The following LIG1 variants were observed in gnomAD, a reference collection of about 807,000 sequenced individuals.
The protein encoded by LIG1 is DNA ligase 1.
A neutral mutation model predicts 115.7 loss-of-function variants in LIG1; 70 were observed. The ratio of observed to expected loss-of-function variants is 0.60; its 90% confidence interval spans 0.50 to 0.74. The LOEUF (loss-of-function observed/expected upper bound fraction) is 0.74. LIG1 is among the 30% of genes least tolerant of loss of function. The pLI, the probability that LIG1 is intolerant of heterozygous loss-of-function variation, is 0.00. For missense variants in LIG1, 1,115 were observed against 1,225.6 expected, an observed-to-expected ratio of 0.91 and a Z score of 1.35; for synonymous variants, 487 against 495.3, an observed-to-expected ratio of 0.98 and a Z score of 0.22.
At chr19:48,143,788 GACTTGACCATT>G (rs1469124786) in intron 10 of LIG1, 84 bp downstream of exon 10, 7 of 1,190,474 alleles carry the variant, frequency 5.9e-6, no homozygotes, top group Non-Finnish European at 8.8e-6. Context: ...AGGAGGGAGA[GACTTGACCATT>G]TCTCCCAACC....
intron 18 of LIG1, among the ~76,000 whole-genome samples, chr19:48,131,767 G>A (rs999135456): frequency 1.1e-4 from 17 of 152,138 alleles, no homozygotes; most frequent in African/African-American, 3.4e-4. Context: ...AAGACAGTCC[G>A]GTCACAGCCC....
At position 48,121,308 on chromosome 19, in the gene LIG1, G is replaced by T; in HGVS notation, c.2247C>A (p.Tyr749Ter). 1 of 1,602,268 alleles carries T rather than the reference G, an allele frequency of 6.2e-7. No individual in the cohort carries two copies. The change falls in exon 24 of 28, where the codon TAC (tyrosine) becomes TAA (stop). Residue 749 changes from tyrosine (Y) to a stop codon, truncating the protein, a stop_gained. Transcript: ENST00000263274. LOFTEE classifies it high-confidence loss of function. ...CCAGGGTGTCACCCACGCCATCAAG[G>T]TAGTCCTTCTTCAGCTGGGAGAAGG... is the stretch of plus-strand genomic sequence containing the variant. ...SHNWLKLKKDYLDGVGDTLDL... is the reference protein window; with the variant it reads ...SHNWLKLKKD
chr19:48,166,006 C>T (rs1027944867), intron 1 of LIG1, among the ~76,000 whole-genome samples: 2 of 152,204 alleles, frequency 1.3e-5, no homozygotes, highest in Admixed American at 6.5e-5. Context: ...ACCCGCTGGT[C>T]TACATAAATT....
At chr19:48,119,064 T>C in intron 25 of LIG1, 73 bp downstream of exon 25, 4 of 1,259,126 alleles carry the variant, frequency 3.2e-6, no homozygotes, top group Non-Finnish European at 4.5e-6. Context: ...CCAAGAGCCC[T>C]GCATGGAAGG....
intron 4 of LIG1, among the ~76,000 whole-genome samples, chr19:48,158,928 T>C (rs1416803717): frequency 6.6e-6 from 1 of 152,224 alleles, no homozygotes; most frequent in Non-Finnish European, 1.5e-5. Context: ...GCTACCTCCA[T>C]GATGCCTTAG....
chr19:48,164,279 C>T (rs1390018601), intron 2 of LIG1, among the ~76,000 whole-genome samples: 1 of 152,098 alleles, frequency 6.6e-6, no homozygotes, highest in Admixed American at 6.5e-5. Context: ...AGAGACAATC[C>T]CCAGATTCCT....
intron 2 of LIG1, among the ~76,000 whole-genome samples, chr19:48,163,383 G>A (rs998061690): frequency 4.0e-5 from 6 of 151,864 alleles, no homozygotes; most frequent in African/African-American, 7.3e-5. Flanking sequence ...CACCACGCCC[G>A]GCTAATTTTT....
intron 16 of LIG1, among the ~76,000 whole-genome samples, chr19:48,134,574 C>T (rs941394388): frequency 7.2e-5 from 11 of 152,240 alleles, no homozygotes; most frequent in Non-Finnish European, 1.6e-4. Context: ...AGGAGAATCA[C>T]TTGAACCCTG....
intron 11 of LIG1, among the ~76,000 whole-genome samples, chr19:48,142,924 G>A (rs1470183167): frequency 6.6e-6 from 1 of 152,200 alleles, no homozygotes; most frequent in African/African-American, 2.4e-5. Context: ...ATTAAGGCAT[G>A]AGCCACTGCA....
chr19:48,159,101 G>A (rs944882187), intron 4 of LIG1, among the ~76,000 whole-genome samples: 34 of 146,236 alleles, frequency 2.3e-4, no homozygotes, highest in African/African-American at 8.2e-4. Flanking sequence ...TTTTTGAGAT[G>A]GAGTCTTGCC....
intron 2 of LIG1, among the ~76,000 whole-genome samples, 181 bp downstream of exon 2, chr19:48,165,369 T>A (rs575250991): frequency 6.6e-6 from 1 of 152,314 alleles, no homozygotes; most frequent in Admixed American, 6.5e-5. Flanking sequence ...AAACTGTTGT[T>A]CAATACACTG....
At chr19:48,128,678 C>T (rs970057612) in intron 19 of LIG1, among the ~76,000 whole-genome samples, 3 of 152,268 alleles carry the variant, frequency 2.0e-5, no homozygotes, top group Non-Finnish European at 2.9e-5. Flanking sequence ...CTTCTTTTCC[C>T]TCAAGGGAAC....
intron 21 of LIG1, among the ~76,000 whole-genome samples, chr19:48,126,536 G>A (rs574707355): frequency 1.1e-4 from 17 of 151,550 alleles, no homozygotes; most frequent in African/African-American, 4.1e-4. Flanking sequence ...AACCTGGGAG[G>A]AGGCAGTTGT....
chr19:48,140,381 C>T (rs977229039), intron 11 of LIG1, among the ~76,000 whole-genome samples: 1 of 152,188 alleles, frequency 6.6e-6, no homozygotes, highest in Non-Finnish European at 1.5e-5. Flanking sequence ...AGAAATCACA[C>T]CTAACCGATT....
rs142594786 is a variant in LIG1, at chr19:48,156,071, C to T, written c.370+943G>A. On this transcript the variant is annotated intron_variant, in intron 5 of 27. Transcript: ENST00000263274. ...TTACCCCACAGCAAACATTCCAAGT[C>T]CCCCTTAGGACAAAGACGCTGTTCC... is the stretch of plus-strand genomic sequence containing the variant. Among the ~76,000 whole-genome samples the T allele has an allele frequency of 7.2e-5, 11 of 152,288 alleles. No homozygotes were observed. The East Asian group carries it at 1.9e-3, about 27-fold the overall frequency.
chr19:48,117,615 C>T lies in LIG1; in HGVS notation c.2583+23G>A, dbSNP rs544212128. On this transcript the variant is annotated intron_variant, in intron 26 of 27. Coordinates refer to ENST00000263274, the MANE Select transcript of LIG1 (RefSeq NM_000234.3). ...CCGCCCAGAATCCCACACAGGGCCA[C>T]GGCCAGGTCCTCTGCCACTCACCAG... The T allele has an allele frequency of 3.7e-6, 6 of 1,610,190 alleles. No individual in the cohort carries two copies. In the Admixed American group the frequency reaches 5.0e-5, roughly 13 times the overall value.
chr19:48,119,586 T>C (rs977844997), intron 24 of LIG1, among the ~76,000 whole-genome samples: 2 of 138,316 alleles, frequency 1.4e-5, no homozygotes, highest in African/African-American at 5.4e-5. Context: ...TTATCCAGGC[T>C]GGAGTGCAGT....
intron 5 of LIG1, chr19:48,154,510 A>G (rs1377816575): frequency 4.8e-6 from 1 of 206,300 alleles, no homozygotes; most frequent in African/African-American, 2.3e-5. Flanking sequence ...CCAGCTGCCC[A>G]ACACATAGCA....
intron 17 of LIG1, 124 bp downstream of exon 17, chr19:48,133,857 T>G: frequency 1.3e-6 from 1 of 762,916 alleles, no homozygotes; most frequent in Non-Finnish European, 2.3e-6. Context: ...GGAGGAGCAT[T>G]TGGTTTTGGT....
Sources: gnomAD v4.1 joint callset for allele counts (sites outside exome capture counted in the v4.1 genomes callset) on GRCh38, gnomAD v4.1.1 for gene constraint, MANE v1.5 for transcripts, NCBI Gene and HGNC (gene_info 2026-07-23, HGNC 2026-07-21) for gene names.